PLEKHA8: variants seen among roughly 807,000 people sequenced by gnomAD.
PLEKHA8 encodes the protein pleckstrin homology domain containing A8, also known as pleckstrin homology domain-containing family A member 8.
A neutral mutation model predicts 68.2 loss-of-function variants in PLEKHA8; 36 were observed. That is an observed-to-expected ratio of 0.53 (90% CI 0.40 to 0.70). The LOEUF is 0.70. Ranked by LOEUF, PLEKHA8 falls within the 30% of genes least tolerant of loss-of-function variation. The pLI is 0.00. For synonymous variants in PLEKHA8, 211 were observed against 216.1 expected (o/e 0.98, Z 0.20); for missense variants, 505 against 615.4 (o/e 0.82, Z 1.90).
chr7:30,119,768 G>A lies in PLEKHA8; in HGVS notation c.1363-9498G>A, dbSNP rs41427444. ...GCCACCATTTTGCTGCATCAGATTCGAGAGCTTCTAAAGCTTCCACCCTGC... is the reference window on the plus strand; with the variant it reads ...GCCACCATTTTGCTGCATCAGATTCAAGAGCTTCTAAAGCTTCCACCCTGC... On this transcript the variant is annotated intron_variant, in intron 13 of 13. Transcript: ENST00000396257. Among the ~76,000 whole-genome samples, 389 of 152,272 alleles carry A rather than the reference G, an allele frequency of 2.6e-3. 3 individuals are homozygous for A. The East Asian group carries it at 0.03, about 12-fold the overall frequency.
At chr7:30,055,173 CTG>C (rs2127981504) in intron 8 of PLEKHA8, 82 bp from the exon 9 acceptor site, 1 of 1,207,032 alleles carries the variant, frequency 8.3e-7, no homozygotes, top group Admixed American at 1.7e-5. Flanking sequence ...AGAGAGGCAG[CTG>C]TGTCTATGAC....
In PLEKHA8 at chr7:30,028,731, C is replaced by T. The variant is rs746650264; in HGVS notation, c.-32C>T. ...TTGGGGCCTGGGGCAGTGAGGGGGC[C>T]GGCGGGCGTGGGCCGAGTGGCCGCG... is the stretch of plus-strand genomic sequence containing the variant. On this transcript the variant is annotated 5_prime_UTR_variant, in exon 1 of 14. Coordinates refer to ENST00000449726, the MANE Select transcript of PLEKHA8 (RefSeq NM_001197026.2). 4 of 1,248,024 alleles carry T rather than the reference C, an allele frequency of 3.2e-6. No homozygotes were observed. Among genetic ancestry groups the T allele is most frequent in the Admixed American group, 8.3e-5 (2 of 24,058 alleles). 77.3% of individuals were successfully genotyped at this position (1,248,024 alleles called of 1,614,324 possible).
At position 30,082,403 on chromosome 7, in the gene PLEKHA8, C is replaced by A. The variant is rs1441685708; in HGVS notation, c.*3616C>A. ...TAGAGTATCTGGCACCACCTTAGCC[C>A]AGGGCTGCGTGCCTGATCAGTGGGG... On this transcript the variant is annotated 3_prime_UTR_variant, in exon 14 of 14. Coordinates refer to ENST00000449726, the MANE Select transcript of PLEKHA8 (RefSeq NM_001197026.2). The A allele has an allele frequency of 2.2e-5, 22 of 985,280 alleles. No homozygotes were observed. The highest frequency in any genetic ancestry group is 2.7e-5 in the Non-Finnish European group (22 of 829,972). 61.0% of individuals were successfully genotyped at this position (985,280 alleles called of 1,614,324 possible). A position where few individuals can be genotyped will look rare whatever the true frequency, so the allele number is the denominator to read the frequency against.
At position 30,097,881 on chromosome 7, in the gene PLEKHA8, C is replaced by T. The variant is rs1015259004; in HGVS notation, c.1362+23749C>T. On this transcript the variant is annotated intron_variant, in intron 13 of 13. Transcript: ENST00000396257. ...CCGTTGCTGGTGAGGAGCTGCGTTCCTTTGGAGGAGGAGAGGCGCTCTGAC... is the reference window on the plus strand; with the variant it reads ...CCGTTGCTGGTGAGGAGCTGCGTTCTTTTGGAGGAGGAGAGGCGCTCTGAC... Among the ~76,000 whole-genome samples the T allele has an allele frequency of 6.8e-4, 103 of 152,200 alleles. 6 individuals carry two copies. The highest frequency in any genetic ancestry group is 7.3e-5 in the Non-Finnish European group (5 of 68,042).
intron 13 of PLEKHA8, among the ~76,000 whole-genome samples, chr7:30,074,441 G>A (rs1794483627): frequency 6.6e-6 from 1 of 152,102 alleles, no homozygotes; most frequent in Non-Finnish European, 1.5e-5. Context: ...CTTTACCCTA[G>A]CCAATTCTAA....
intron 13 of PLEKHA8, among the ~76,000 whole-genome samples, chr7:30,106,626 C>G (rs1301797338): frequency 6.6e-6 from 1 of 152,126 alleles, no homozygotes; most frequent in Non-Finnish European, 1.5e-5. Context: ...CTCCCCTGCA[C>G]CTACAAATAA....
chr7:30,055,116 T>C, intron 8 of PLEKHA8, 141 bp from the exon 9 acceptor site: 1 of 795,902 alleles, frequency 1.3e-6, no homozygotes, highest in Non-Finnish European at 2.1e-6. Flanking sequence ...GAGACCATAT[T>C]AGAAAAACAG....
intron 13 of PLEKHA8, chr7:30,115,834 A>ATGTATACATGCGTGCACATG (rs1562558024): frequency 2.8e-5 from 4 of 143,180 alleles, no homozygotes; most frequent in Admixed American, 6.9e-5. Context: ...GCGTGCACAT[A>ATGTATACATGCGTGCACATG]CATGTATACA....
chr7:30,115,434 A>G (rs1015966573), intron 13 of PLEKHA8, among the ~76,000 whole-genome samples: 1 of 151,928 alleles, frequency 6.6e-6, no homozygotes, highest in Non-Finnish European at 1.5e-5. Context: ...GTTTAGATAT[A>G]CATATATACA....
At chr7:30,093,511 A>G (rs1795494441), downstream of PLEKHA8, among the ~76,000 whole-genome samples, 1 of 152,222 alleles carries the variant, frequency 6.6e-6, no homozygotes, top group Non-Finnish European at 1.5e-5. Context: ...CTGGAATCAG[A>G]CCACGGGTCA....
intron 13 of PLEKHA8, among the ~76,000 whole-genome samples, chr7:30,076,516 A>C (rs1307955945): frequency 6.6e-6 from 1 of 152,216 alleles, no homozygotes; most frequent in Non-Finnish European, 1.5e-5. Flanking sequence ...TAAGTGCTTG[A>C]CATACATAAA....
chr7:30,061,046 C>A, intron 10 of PLEKHA8, 104 bp downstream of exon 10: 1 of 1,090,518 alleles, frequency 9.2e-7, no homozygotes, highest in Non-Finnish European at 1.4e-6. Context: ...AAATGTGTCA[C>A]TGTTCTTTTA....
chr7:30,088,903 G>A (rs944563543), downstream of PLEKHA8, among the ~76,000 whole-genome samples: 3 of 151,748 alleles, frequency 2.0e-5, no homozygotes, highest in Admixed American at 6.6e-5. Flanking sequence ...ATTTTGAGTG[G>A]GGGTGTTGTA....
intron 13 of PLEKHA8, among the ~76,000 whole-genome samples, chr7:30,115,520 G>A (rs914698671): frequency 1.7e-4 from 17 of 102,240 alleles, no homozygotes; most frequent in Admixed American, 4.3e-4. Context: ...ACACATACAC[G>A]TATACATGTA....
At chr7:30,048,624 T>C (rs1328852915) in intron 4 of PLEKHA8, among the ~76,000 whole-genome samples, 2 of 152,266 alleles carry the variant, frequency 1.3e-5, no homozygotes, top group Admixed American at 1.3e-4. Flanking sequence ...AACCAGAGTC[T>C]CTGCTCTGCT....
At chr7:30,043,206 A>C (rs1224472748) in intron 1 of PLEKHA8, among the ~76,000 whole-genome samples, 1 of 152,134 alleles carries the variant, frequency 6.6e-6, no homozygotes, top group Non-Finnish European at 1.5e-5. Context: ...ATTGTTGCCC[A>C]GGCTGGTCTG....
At chr7:30,118,495 G>A (rs993682845) in intron 13 of PLEKHA8, 7 of 154,026 alleles carry the variant, frequency 4.5e-5, no homozygotes, top group African/African-American at 1.4e-4. Context: ...AGAACCAGGA[G>A]CTGAAAGCCA....
chr7:30,102,019 T>A (rs1235333555), intron 13 of PLEKHA8, among the ~76,000 whole-genome samples: 1 of 152,214 alleles, frequency 6.6e-6, no homozygotes. Context: ...AGAGAAAGTA[T>A]TTGCAAATCA....
downstream of PLEKHA8, chr7:30,090,829 TAAG>T (rs1398052848): frequency 2.5e-5 from 5 of 198,284 alleles, no homozygotes; most frequent in South Asian, 5.3e-4. Context: ...ATAAATATGA[TAAG>T]AAATAAATTA....
Sources: allele counts gnomAD v4.1 joint callset (sites outside exome capture counted in the v4.1 genomes callset), GRCh38; gene constraint gnomAD v4.1.1; transcripts MANE v1.5; gene names NCBI Gene and HGNC (gene_info 2026-07-23, HGNC 2026-07-21).